RAD51B: variants seen among roughly 807,000 people sequenced by gnomAD.
The protein encoded by RAD51B is RAD51 paralog B, also known as DNA repair protein RAD51 homolog 2.
RAD51B carries 38 observed loss-of-function variants against 42.2 expected under a neutral mutation model. The observed-to-expected ratio is 0.90, with a 90% CI of 0.70 to 1.18. RAD51B has a LOEUF of 1.18. Ranked by LOEUF, RAD51B falls within the 50% of genes most tolerant of loss-of-function variation. RAD51B has a pLI of 0.00. For synonymous variants in RAD51B, 154 were observed against 145.2 expected (o/e 1.06, Z -0.43); for missense variants, 373 against 400.7 (o/e 0.93, Z 0.59).
chr14:68,187,965 C>A (rs977102778), intron 7 of RAD51B, among the ~76,000 whole-genome samples: 1 of 152,042 alleles, frequency 6.6e-6, no homozygotes, highest in African/African-American at 2.4e-5. Flanking sequence ...CAGGTGCACG[C>A]CACGATGGCC....
At chr14:68,163,881 A>G (rs1008198615) in intron 7 of RAD51B, among the ~76,000 whole-genome samples, 4 of 152,224 alleles carry the variant, frequency 2.6e-5, no homozygotes, top group Non-Finnish European at 5.9e-5. Flanking sequence ...TCACATTAGG[A>G]AGGACAGTAA....
intron 7 of RAD51B, among the ~76,000 whole-genome samples, chr14:68,004,231 G>A (rs1285396535): frequency 4.6e-5 from 7 of 151,002 alleles, no homozygotes; most frequent in Admixed American, 3.3e-4. Context: ...TACTCGGGAC[G>A]CTGAGGCAGG....
At chr14:68,085,880 T>C (rs539224573) in intron 7 of RAD51B, among the ~76,000 whole-genome samples, 1 of 152,242 alleles carries the variant, frequency 6.6e-6, no homozygotes, top group Non-Finnish European at 1.5e-5. Flanking sequence ...TAGGGGAGGC[T>C]AGATGGGCAG....
intron 7 of RAD51B, among the ~76,000 whole-genome samples, chr14:68,140,177 A>G (rs6573815): frequency 0.1 from 15,683 of 152,226 alleles, 2,448 homozygotes; most frequent in African/African-American, 0.34. Context: ...AGGATGAGTC[A>G]TGTCACTCCT....
intron 10 of RAD51B, 123 bp from the exon 11 acceptor site, chr14:68,477,525 C>T (rs549580015): frequency 8.4e-7 from 1 of 1,184,050 alleles, no homozygotes; most frequent in Non-Finnish European, 1.2e-6. Context: ...GCTCTGTGGG[C>T]AATACGTATG....
At chr14:68,338,840 G>A (rs1047123234) in intron 8 of RAD51B, 29 of 602,610 alleles carry the variant, frequency 4.8e-5, no homozygotes, top group East Asian at 2.8e-4. Flanking sequence ...GGATCTCATC[G>A]TATCTGTCGT....
chr14:67,969,181 A>T (rs1021953081), intron 7 of RAD51B, among the ~76,000 whole-genome samples: 3 of 152,182 alleles, frequency 2.0e-5, no homozygotes, highest in Non-Finnish European at 2.9e-5. Flanking sequence ...TGGGAGTACA[A>T]TTCAAGATGA....
intron 10 of RAD51B, among the ~76,000 whole-genome samples, chr14:68,505,085 C>T (rs1381310330): frequency 6.6e-6 from 1 of 152,192 alleles, no homozygotes; most frequent in Non-Finnish European, 1.5e-5. Context: ...CGAAGTTTGA[C>T]AATTGTTACA....
chr14:68,460,863 C>G (rs1194910853), intron 9 of RAD51B, among the ~76,000 whole-genome samples: 1 of 152,134 alleles, frequency 6.6e-6, no homozygotes, highest in Admixed American at 6.5e-5. Context: ...TCTGAGTCCC[C>G]TAACTCTGGG....
chr14:67,950,551 A>C (rs1566974556), intron 7 of RAD51B, among the ~76,000 whole-genome samples: 1 of 152,188 alleles, frequency 6.6e-6, no homozygotes, highest in Non-Finnish European at 1.5e-5. Flanking sequence ...TCTTATCAGC[A>C]ATAAGACTGT....
At chr14:68,610,855 G>A in intron 10 of RAD51B, 1 of 516,442 alleles carries the variant, frequency 1.9e-6, no homozygotes, top group Non-Finnish European at 3.5e-6. Context: ...GTGTGTGTGT[G>A]TGTGTGTGTG....
At chr14:68,295,263 G>A (rs1311116074) in intron 8 of RAD51B, among the ~76,000 whole-genome samples, 4 of 152,092 alleles carry the variant, frequency 2.6e-5, no homozygotes, top group Non-Finnish European at 4.4e-5. Flanking sequence ...AAACCTCAAT[G>A]AAGGGAATTA....
At chr14:68,619,766 G>T (rs1012199546) in intron 10 of RAD51B, among the ~76,000 whole-genome samples, 1 of 152,164 alleles carries the variant, frequency 6.6e-6, no homozygotes, top group Non-Finnish European at 1.5e-5. Context: ...AAAATGAAAT[G>T]GTCTCCCACC....
intron 4 of RAD51B, among the ~76,000 whole-genome samples, chr14:67,854,470 C>T (rs1380211224): frequency 1.3e-5 from 2 of 150,696 alleles, no homozygotes; most frequent in Non-Finnish European, 3.0e-5. Context: ...CCCATCTTTA[C>T]CAAAAATACA....
At chr14:68,627,686 A>T (rs61987100) in intron 10 of RAD51B, among the ~76,000 whole-genome samples, 16,849 of 152,194 alleles carry the variant, frequency 0.11, 1,261 homozygotes, top group Middle Eastern at 0.21. Context: ...GTCCATATAA[A>T]GCAGAACTGG....
chr14:68,119,525 G>T (rs1356069350), intron 7 of RAD51B, among the ~76,000 whole-genome samples: 2 of 132,710 alleles, frequency 1.5e-5, no homozygotes, highest in Non-Finnish European at 3.1e-5. Context: ...GTGTCCATGT[G>T]GTCTCATTGT....
At position 68,478,069 on chromosome 14, in the gene RAD51B, T is replaced by G. The variant is rs568052362; in HGVS notation, c.*405T>G. Reference sequence around the variant, plus strand: ...ATTTGTAATTACAGGAGGGAACATTTCCGAATAAAGTATTGTCTACCAGAT... The same window carrying G: ...ATTTGTAATTACAGGAGGGAACATTGCCGAATAAAGTATTGTCTACCAGAT... On this transcript the variant is annotated 3_prime_UTR_variant, in exon 11 of 11. Coordinates refer to ENST00000471583, the MANE Select transcript of RAD51B (RefSeq NM_133510.4). 8.4e-6 allele frequency: 9 copies of G among 1,065,644 alleles called. No homozygotes were observed. The African/African-American group carries it at 1.3e-4, about 16-fold the overall frequency. 66.0% of individuals were successfully genotyped at this position (1,065,644 alleles called of 1,614,324 possible). A position where few individuals can be genotyped will look rare whatever the true frequency, so the allele number is the denominator to read the frequency against.
At chr14:68,267,021 C>T (rs990255623) in intron 7 of RAD51B, among the ~76,000 whole-genome samples, 2 of 152,162 alleles carry the variant, frequency 1.3e-5, no homozygotes, top group South Asian at 2.1e-4. Flanking sequence ...GCTCTAAAGT[C>T]GGAGACCAAA....
At chr14:68,015,475 C>T (rs988917842) in intron 7 of RAD51B, among the ~76,000 whole-genome samples, 1 of 152,170 alleles carries the variant, frequency 6.6e-6, no homozygotes, top group Non-Finnish European at 1.5e-5. Context: ...TTCACAGTTC[C>T]ACATGGCTGG....
Sources: allele counts gnomAD v4.1 joint callset (sites outside exome capture counted in the v4.1 genomes callset), GRCh38; gene constraint gnomAD v4.1.1; transcripts MANE v1.5; gene names NCBI Gene and HGNC (gene_info 2026-07-23, HGNC 2026-07-21).